Variants in NRXN3 observed in about 807,000 individuals in gnomAD.
NRXN3 encodes the protein neurexin 3.
A neutral mutation model predicts 137.6 loss-of-function variants in NRXN3; 32 were observed. The observed-to-expected ratio is 0.23, with a 90% CI of 0.18 to 0.31. NRXN3 has a LOEUF of 0.31. NRXN3 is among the 10% of genes least tolerant of loss of function. The pLI is 1.00. For missense variants in NRXN3, 1,574 were observed against 2,062.5 expected, an observed-to-expected ratio of 0.76 and a Z score of 4.59; for synonymous variants, 798 against 784.5, an observed-to-expected ratio of 1.02 and a Z score of -0.29.
At chr14:79,758,657 C>T (rs554258431) in intron 19 of NRXN3, among the ~76,000 whole-genome samples, 2 of 152,250 alleles carry the variant, frequency 1.3e-5, no homozygotes, top group East Asian at 3.9e-4. Context: ...CACAAGGATA[C>T]TATATCTCCA....
intron 15 of NRXN3, among the ~76,000 whole-genome samples, chr14:79,430,071 A>C (rs1011864635): frequency 6.6e-6 from 1 of 152,156 alleles, no homozygotes. Flanking sequence ...TAATAGGTCT[A>C]TCAGTATGTA....
In NRXN3 at chr14:78,384,756, A is replaced by G. The variant is rs372583806; in HGVS notation, c.757+86896A>G. The stretch of plus-strand genomic sequence containing the variant: ...TTAAGGATCCTCCAGGATTCCATGG[A>G]GCACAATTAGGAAACAACTGGATTC... On this transcript the variant is annotated intron_variant, in intron 4 of 20. Transcript: ENST00000335750. 7.9e-5 allele frequency among the ~76,000 whole-genome samples: 12 copies of G among 152,238 alleles called. No individual in the cohort carries two copies. The South Asian group carries it at 1.7e-3, about 21-fold the overall frequency.
At chr14:78,747,869 T>G (rs1406052784) in intron 8 of NRXN3, among the ~76,000 whole-genome samples, 1 of 152,198 alleles carries the variant, frequency 6.6e-6, no homozygotes, top group Non-Finnish European at 1.5e-5. Context: ...TCCCTATGCC[T>G]TGATCTAAAG....
At position 79,846,785 on chromosome 14, in the gene NRXN3, G is replaced by C. The variant is rs76722568; in HGVS notation, c.4094-14557G>C. On this transcript the variant is annotated intron_variant, in intron 20 of 20. Transcript: ENST00000335750. ...GAAACAACTTTAGGAAAGGGATAGT[G>C]TCTTCTTGCTTACTTTTATTTTTCC... Among the ~76,000 whole-genome samples, 6 of 152,120 alleles carry C rather than the reference G, an allele frequency of 3.9e-5. 1 individual carries two copies. The South Asian group carries it at 1.2e-3, about 32-fold the overall frequency.
At chr14:79,841,966 G>C (rs1331486904) in intron 20 of NRXN3, among the ~76,000 whole-genome samples, 1 of 152,328 alleles carries the variant, frequency 6.6e-6, no homozygotes, top group Non-Finnish European at 1.5e-5. Context: ...TCAATAATTA[G>C]TTTGCAAAAC....
At chr14:79,662,716 A>G (rs2098539908) in intron 16 of NRXN3, among the ~76,000 whole-genome samples, 1 of 152,088 alleles carries the variant, frequency 6.6e-6, no homozygotes, top group African/African-American at 2.4e-5. Context: ...CATGGCAAAT[A>G]GGGGAGGAAG....
intron 15 of NRXN3, among the ~76,000 whole-genome samples, chr14:79,228,734 G>A (rs968293106): frequency 6.6e-6 from 1 of 152,194 alleles, no homozygotes; most frequent in Non-Finnish European, 1.5e-5. Context: ...GGTCTCCAAA[G>A]AGAGGAGATT....
intron 19 of NRXN3, among the ~76,000 whole-genome samples, chr14:79,727,436 T>C (rs2098897762): frequency 6.6e-6 from 1 of 152,172 alleles, no homozygotes; most frequent in Non-Finnish European, 1.5e-5. Context: ...TCGTTGCCCC[T>C]TGGGATCACT....
At chr14:78,779,903 C>T (rs2098762480) in intron 8 of NRXN3, among the ~76,000 whole-genome samples, 1 of 152,008 alleles carries the variant, frequency 6.6e-6, no homozygotes, top group African/African-American at 2.4e-5. Flanking sequence ...TCTATAAATC[C>T]ACACATTTCC....
intron 8 of NRXN3, among the ~76,000 whole-genome samples, chr14:78,791,093 C>T (rs535081740): frequency 3.0e-4 from 45 of 152,290 alleles, no homozygotes; most frequent in African/African-American, 1.0e-3. Context: ...CATTCTCTTC[C>T]TACAGTCCAT....
At chr14:79,412,782 CAAAAAAA>C (rs71103803) in intron 15 of NRXN3, among the ~76,000 whole-genome samples, 1 of 59,736 alleles carries the variant, frequency 1.7e-5, no homozygotes, top group Non-Finnish European at 3.0e-5. Context: ...GACTCTGTCT[CAAAAAAA>C]AAAAAAAAAA....
chr14:79,652,175 ACACACACAAT>A (rs1344112089), intron 16 of NRXN3, among the ~76,000 whole-genome samples: 2 of 152,186 alleles, frequency 1.3e-5, no homozygotes, highest in Admixed American at 1.3e-4. Flanking sequence ...TCAAACACAA[ACACACACAAT>A]CACACACACA....
intron 15 of NRXN3, among the ~76,000 whole-genome samples, chr14:79,121,343 T>C (rs1418958115): frequency 6.6e-6 from 1 of 152,200 alleles, no homozygotes; most frequent in African/African-American, 2.4e-5. Flanking sequence ...ATATGCTCTT[T>C]GCTGGTATAA....
intron 15 of NRXN3, chr14:79,298,655 T>G (rs2084617295): frequency 6.6e-6 from 1 of 152,092 alleles, no homozygotes; most frequent in Non-Finnish European, 1.5e-5. Context: ...TCTTCTAGCG[T>G]AATCACTGGG....
intron 15 of NRXN3, among the ~76,000 whole-genome samples, chr14:79,384,631 C>T (rs969355380): frequency 2.0e-5 from 3 of 152,098 alleles, no homozygotes; most frequent in Admixed American, 1.3e-4. Context: ...TTTTAGACCA[C>T]AGGCATTTTT....
At position 79,402,554 on chromosome 14, in the gene NRXN3, T is replaced by A. The variant is rs539945070; in HGVS notation, c.3263-64667T>A. Among the ~76,000 whole-genome samples, 8 of 152,324 alleles carry A rather than the reference T, an allele frequency of 5.3e-5. No individual in the cohort carries two copies. In the South Asian group the frequency reaches 1.4e-3, roughly 28 times the overall value. The stretch of plus-strand genomic sequence containing the variant: ...AATTAATGATATTGTAGGTCTTAAA[T>A]GTAAATGCAATTTTACACCAGGCCC... On this transcript the variant is annotated intron_variant, in intron 15 of 20. Coordinates refer to ENST00000335750, the MANE Select transcript of NRXN3 (RefSeq NM_001330195.2).
intron 16 of NRXN3, among the ~76,000 whole-genome samples, chr14:79,508,269 T>C (rs10133370): frequency 0.03 from 4,493 of 152,120 alleles, 199 homozygotes; most frequent in African/African-American, 0.1. Context: ...ATGATAACTA[T>C]TGTCATAGTC....
At chr14:78,357,476 A>C in intron 4 of NRXN3, among the ~76,000 whole-genome samples, 1 of 152,074 alleles carries the variant, frequency 6.6e-6, no homozygotes, top group East Asian at 1.9e-4. Flanking sequence ...GATCTTAAAA[A>C]GACATGGAGG....
intron 2 of NRXN3, among the ~76,000 whole-genome samples, chr14:78,261,029 T>A (rs915770239): frequency 3.3e-5 from 5 of 152,214 alleles, no homozygotes; most frequent in African/African-American, 1.2e-4. Context: ...GTGGTTGTCC[T>A]GGCTTTACAG....
Sources: gnomAD v4.1 joint callset for allele counts (sites outside exome capture counted in the v4.1 genomes callset) on GRCh38, gnomAD v4.1.1 for gene constraint, MANE v1.5 for transcripts, NCBI Gene and HGNC (gene_info 2026-07-23, HGNC 2026-07-21) for gene names.